The following MRPL48 variants were observed in gnomAD, a reference collection of about 807,000 sequenced individuals.
MRPL48 encodes the protein large ribosomal subunit protein mL48.
Under a neutral mutation model 32.9 loss-of-function variants are expected in MRPL48, and 16 were observed. The ratio of observed to expected loss-of-function variants is 0.49; its 90% CI spans 0.33 to 0.74. The LOEUF is 0.74. MRPL48 is among the 30% of genes least tolerant of loss of function. MRPL48 has a pLI of 0.02. For missense variants in MRPL48, 206 were observed against 245.3 expected (o/e 0.84, Z 1.07); for synonymous variants, 94 against 89.2 (o/e 1.05, Z -0.31).
chr11:73,789,047 A>C (rs558682958), intron 1 of MRPL48, among the ~76,000 whole-genome samples: 72 of 152,280 alleles, frequency 4.7e-4, no homozygotes, highest in African/African-American at 1.7e-3. Context: ...ACCTGTGGTT[A>C]CCTTGGGGCT....
chr11:73,828,858 G>A (rs1235564797), intron 4 of MRPL48, among the ~76,000 whole-genome samples: 7 of 151,782 alleles, frequency 4.6e-5, no homozygotes, highest in Non-Finnish European at 8.8e-5. Flanking sequence ...TGAAGTCAGA[G>A]GCAGTTACTT....
chr11:73,861,730 T>C (rs10898948), intron 6 of MRPL48, among the ~76,000 whole-genome samples: 46,215 of 152,070 alleles, frequency 0.3, 7,809 homozygotes, highest in South Asian at 0.48. Flanking sequence ...AATGCTGTTT[T>C]CTCTGCCTTC....
At chr11:73,801,284 C>G (rs1226864412) in intron 1 of MRPL48, among the ~76,000 whole-genome samples, 6 of 152,134 alleles carry the variant, frequency 3.9e-5, no homozygotes, top group Admixed American at 2.0e-4. Flanking sequence ...TGTTCACTCT[C>G]ATTTCTATTG....
intron 1 of MRPL48, among the ~76,000 whole-genome samples, chr11:73,794,578 A>ATTTTTTTTAAT (rs1947215431): frequency 2.0e-5 from 3 of 151,976 alleles, no homozygotes; most frequent in Admixed American, 2.0e-4. Context: ...AAAAATTTAA[A>ATTTTTTTTAAT]TCAGGTCAGA....
At chr11:73,863,336 C>A in intron 7 of MRPL48, 75 bp downstream of exon 7, 1 of 1,258,640 alleles carries the variant, frequency 7.9e-7, no homozygotes. Context: ...TCTGGACTTC[C>A]TGGCTTTAGA....
At chr11:73,851,126 C>A in intron 5 of MRPL48, 2 of 459,942 alleles carry the variant, frequency 4.3e-6, no homozygotes, top group South Asian at 3.3e-5. Context: ...TATTTTCTGT[C>A]ATCACTTGTC....
At chr11:73,797,113 G>A (rs1225939410) in intron 1 of MRPL48, among the ~76,000 whole-genome samples, 2 of 152,078 alleles carry the variant, frequency 1.3e-5, no homozygotes, top group Non-Finnish European at 2.9e-5. Flanking sequence ...AACAGACATC[G>A]GGACAACCGG....
intron 1 of MRPL48, chr11:73,789,492 T>G (rs1947108456): frequency 1.3e-5 from 2 of 152,248 alleles, no homozygotes; most frequent in African/African-American, 4.8e-5. Flanking sequence ...TTGCCAAATG[T>G]AAGTCTGTCT....
At chr11:73,833,739 A>G (rs949541684) in intron 4 of MRPL48, among the ~76,000 whole-genome samples, 1 of 152,042 alleles carries the variant, frequency 6.6e-6, no homozygotes, top group Admixed American at 6.5e-5. Flanking sequence ...CAGTGGTGCA[A>G]TCATAGCACA....
At chr11:73,788,096 C>A (rs567976206) in intron 1 of MRPL48, 104 bp downstream of exon 1, 33 of 1,531,206 alleles carry the variant, frequency 2.2e-5, no homozygotes, top group Non-Finnish European at 2.9e-5. Context: ...GCGCGGACAT[C>A]CGGGGATGAG....
At chr11:73,825,310 G>T (rs1388925614) in intron 3 of MRPL48, among the ~76,000 whole-genome samples, 6 of 149,142 alleles carry the variant, frequency 4.0e-5, no homozygotes, top group Admixed American at 4.0e-4. Flanking sequence ...GTGTGTGTGT[G>T]TGTGTGTGTG....
chr11:73,790,365 G>A (rs1392788320), intron 1 of MRPL48, among the ~76,000 whole-genome samples: 4 of 115,486 alleles, frequency 3.5e-5, no homozygotes, highest in African/African-American at 6.8e-5. Flanking sequence ...GTGAGCCACC[G>A]CACCCGGCCT....
chr11:73,820,474 C>G (rs1387074814), intron 3 of MRPL48, among the ~76,000 whole-genome samples: 1 of 152,146 alleles, frequency 6.6e-6, no homozygotes, highest in East Asian at 1.9e-4. Context: ...ACCATCCGCC[C>G]CAGCCTCCCA....
intron 1 of MRPL48, among the ~76,000 whole-genome samples, chr11:73,792,253 G>A (rs929272681): frequency 2.0e-5 from 3 of 152,170 alleles, no homozygotes; most frequent in African/African-American, 7.2e-5. Context: ...ATGCACCAAG[G>A]AAATGAGTAT....
At chr11:73,799,686 A>G (rs1179372566) in intron 1 of MRPL48, among the ~76,000 whole-genome samples, 2 of 152,196 alleles carry the variant, frequency 1.3e-5, no homozygotes, top group African/African-American at 2.4e-5. Context: ...TACAATGTTC[A>G]TCATTTGAGT....
intron 1 of MRPL48, among the ~76,000 whole-genome samples, chr11:73,788,472 CTTTTTTTTTTTT>C (rs11352308): frequency 3.9e-4 from 43 of 109,638 alleles, no homozygotes; most frequent in Admixed American, 1.6e-3. Flanking sequence ...TCTTTTCTTT[CTTTTTTTTTTTT>C]TTTTTTTTTT....
chr11:73,809,977 A>G (rs541554397), intron 3 of MRPL48, among the ~76,000 whole-genome samples: 91 of 152,308 alleles, frequency 6.0e-4, no homozygotes, highest in Middle Eastern at 6.8e-3. Flanking sequence ...CTTTTTATTT[A>G]TACATTCTCT....
At chr11:73,805,675 T>A (rs1212132564) in intron 2 of MRPL48, among the ~76,000 whole-genome samples, 1 of 135,020 alleles carries the variant, frequency 7.4e-6, no homozygotes, top group African/African-American at 2.8e-5. Context: ...TTTTTTTTAA[T>A]TGAGGCAGAG....
intron 4 of MRPL48, among the ~76,000 whole-genome samples, chr11:73,839,182 C>A (rs765907992): frequency 3.9e-5 from 6 of 152,152 alleles, no homozygotes; most frequent in African/African-American, 1.2e-4. Context: ...AGGACCATTT[C>A]TTTGTCTTCT....
Sources: gnomAD v4.1 joint callset for allele counts (sites outside exome capture counted in the v4.1 genomes callset) on GRCh38, gnomAD v4.1.1 for gene constraint, MANE v1.5 for transcripts, NCBI Gene and HGNC (gene_info 2026-07-23, HGNC 2026-07-21) for gene names.